MTRR: variants seen among roughly 807,000 people sequenced by gnomAD.
The protein encoded by MTRR is methionine synthase reductase.
MTRR carries 63 observed loss-of-function variants against 79.2 expected under a neutral mutation model. The ratio of observed to expected loss-of-function variants is 0.80; its 90% CI spans 0.65 to 0.98. MTRR has a LOEUF of 0.98. Ranked by LOEUF, MTRR falls within the 50% of genes least tolerant of loss-of-function variation. The pLI is 0.00. For synonymous variants in MTRR, 355 were observed against 313.3 expected (o/e 1.13, Z -1.41); for missense variants, 895 against 839.6 (o/e 1.07, Z -0.82).
intron 8 of MTRR, among the ~76,000 whole-genome samples, chr5:7,887,918 T>G (rs909385941): frequency 2.0e-5 from 3 of 150,090 alleles, no homozygotes; most frequent in African/African-American, 7.4e-5. Context: ...AATCAAACCC[T>G]CTGAGTTAAC....
rs1268958481 is a variant in MTRR at position 7,892,902 on chromosome 5, C to T, written c.1546C>T (p.Leu516=). 5 of 1,614,008 alleles carry T rather than the reference C, an allele frequency of 3.1e-6. No homozygotes were observed. Among genetic ancestry groups the T allele is most frequent in the Non-Finnish European group, 4.2e-6 (5 of 1,179,984 alleles). ...HASHEDSGKA[L]APKISISPRT... is the part of the protein sequence containing the mutation. Reference sequence around the variant, plus strand: ...ATCCCATGAAGACAGCGGGAAAGCCCTGGCTCCTAAGGTAAGAAATTAGTA... The same window carrying T: ...ATCCCATGAAGACAGCGGGAAAGCCTTGGCTCCTAAGGTAAGAAATTAGTA... The change falls in exon 11 of 15, where the codon CTG becomes TTG. Residue 516 remains leucine (L), a synonymous_variant. Coordinates refer to ENST00000440940, the MANE Select transcript of MTRR (RefSeq NM_002454.3).
chr5:7,874,786 G>T (rs1390108607), intron 3 of MTRR, among the ~76,000 whole-genome samples: 1 of 152,106 alleles, frequency 6.6e-6, no homozygotes, highest in African/African-American at 2.4e-5. Flanking sequence ...CAACGCTGCT[G>T]TTATGAATAA....
At chr5:7,872,222 T>C (rs774484995) in intron 2 of MTRR, 1 of 454,672 alleles carries the variant, frequency 2.2e-6, no homozygotes, top group South Asian at 1.6e-5. Context: ...TGTTACCTCT[T>C]TTATCAGTGT....
At chr5:7,887,776 TTGTG>T (rs138411575) in intron 8 of MTRR, among the ~76,000 whole-genome samples, 16 of 112,326 alleles carry the variant, frequency 1.4e-4, no homozygotes, top group South Asian at 1.2e-3. Flanking sequence ...ATGTATATAT[TTGTG>T]TGTGTGTGTG....
chr5:7,886,511 A>C, intron 7 of MTRR, 104 bp from the exon 8 acceptor site: 1 of 899,564 alleles, frequency 1.1e-6, no homozygotes, highest in Non-Finnish European at 1.9e-6. Flanking sequence ...TTGCACTTTG[A>C]TGCGCTGTAA....
At chr5:7,863,949 G>C (rs2081033892) in intron 2 of MTRR, among the ~76,000 whole-genome samples, 1 of 152,052 alleles carries the variant, frequency 6.6e-6, no homozygotes, top group African/African-American at 2.4e-5. Flanking sequence ...CTCCTGGGTT[G>C]AGCGATTCTC....
At chr5:7,876,191 C>T (rs1734533629) in intron 4 of MTRR, among the ~76,000 whole-genome samples, 1 of 152,182 alleles carries the variant, frequency 6.6e-6, no homozygotes, top group Admixed American at 6.5e-5. Context: ...CACCCTGTGC[C>T]CACTTCTTCC....
chr5:7,884,922 ATAT>A (rs1335418214), intron 6 of MTRR, among the ~76,000 whole-genome samples: 1 of 152,232 alleles, frequency 6.6e-6, no homozygotes, highest in Non-Finnish European at 1.5e-5. Flanking sequence ...GCATCCATAA[ATAT>A]TAATACTATG....
chr5:7,852,805 A>G (rs1056382090), intron 1 of MTRR, among the ~76,000 whole-genome samples: 1 of 152,038 alleles, frequency 6.6e-6, no homozygotes, highest in Non-Finnish European at 1.5e-5. Flanking sequence ...CTCCAAATAC[A>G]CAAGAGAGGT....
At chr5:7,851,925 A>G (rs1344101454) in intron 1 of MTRR, among the ~76,000 whole-genome samples, 1 of 152,272 alleles carries the variant, frequency 6.6e-6, no homozygotes, top group East Asian at 1.9e-4. Flanking sequence ...GAAATGCTTT[A>G]GCCAGCGTGC....
upstream of MTRR, among the ~76,000 whole-genome samples, chr5:7,865,093 G>A (rs1202860798): frequency 6.6e-6 from 1 of 151,972 alleles, no homozygotes; most frequent in Non-Finnish European, 1.5e-5. Flanking sequence ...AAAGCAAATT[G>A]TACTTTGATT....
chr5:7,877,797 G>A lies in MTRR; in HGVS notation c.402-147G>A, dbSNP rs1734832498. The A allele has an allele frequency of 2.8e-6, 3 of 1,056,250 alleles. No individual in the cohort carries two copies. In the Admixed American group the frequency reaches 5.7e-5, roughly 20 times the overall value. 65.4% of individuals were successfully genotyped at this position (1,056,250 alleles called of 1,614,324 possible). A position where few individuals can be genotyped will look rare whatever the true frequency, so the allele number is the denominator to read the frequency against. ...ATCCTGCTTGTTAAAACTTAATCAT[G>A]AAGTATTTTTTGTATTCCGAATGGT... On this transcript the variant is annotated intron_variant, in intron 4 of 14. Coordinates refer to ENST00000440940, the MANE Select transcript of MTRR (RefSeq NM_002454.3).
At chr5:7,895,975 C>A in intron 12 of MTRR, 123 bp downstream of exon 12, 1 of 1,236,674 alleles carries the variant, frequency 8.1e-7, no homozygotes, top group Non-Finnish European at 1.1e-6. Context: ...ATTCAATGTG[C>A]GATAACATAA....
chr5:7,898,016 A>G (rs1331247751), intron 14 of MTRR, among the ~76,000 whole-genome samples: 1 of 152,150 alleles, frequency 6.6e-6, no homozygotes, highest in African/African-American at 2.4e-5. Context: ...AAACAAAGCA[A>G]CGTTTTCTGT....
chr5:7,890,478 G>A (rs892069400), intron 9 of MTRR: 45 of 931,924 alleles, frequency 4.8e-5, no homozygotes, highest in African/African-American at 1.8e-4. Flanking sequence ...AATTCTTTTC[G>A]TAGATTTTTT....
intron 1 of MTRR, among the ~76,000 whole-genome samples, chr5:7,851,771 T>C (rs1008482417): frequency 2.0e-5 from 3 of 152,178 alleles, no homozygotes; most frequent in African/African-American, 7.2e-5. Flanking sequence ...TGTGTTTACG[T>C]TGGCCCTTGA....
chr5:7,883,320 G>C, intron 6 of MTRR, 43 bp downstream of exon 6: 4 of 1,613,014 alleles, frequency 2.5e-6, no homozygotes, highest in Non-Finnish European at 3.4e-6. Flanking sequence ...ATATTGTCAG[G>C]ATGTGCAGAA....
At chr5:7,892,492 C>A (rs1243324859) in intron 10 of MTRR, among the ~76,000 whole-genome samples, 1 of 152,014 alleles carries the variant, frequency 6.6e-6, no homozygotes, top group African/African-American at 2.4e-5. Flanking sequence ...ATCATCTAGT[C>A]CTAGTGCAAG....
chr5:7,861,113 G>T, intron 1 of MTRR: 1 of 1,248,356 alleles, frequency 8.0e-7, no homozygotes, highest in Non-Finnish European at 1.2e-6. Context: ...AATAGGATTT[G>T]CTTTTGGGAA....
Sources: allele counts gnomAD v4.1 joint callset (sites outside exome capture counted in the v4.1 genomes callset), GRCh38; gene constraint gnomAD v4.1.1; transcripts MANE v1.5; gene names NCBI Gene and HGNC (gene_info 2026-07-23, HGNC 2026-07-21).